Variants in CAP2 observed in about 807,000 individuals in gnomAD.
The protein encoded by CAP2 is cyclase associated actin cytoskeleton regulatory protein 2.
In CAP2, 24 loss-of-function variants were observed where a neutral mutation model predicts 57.7. That is an observed-to-expected ratio of 0.42 (90% CI 0.30 to 0.58). The LOEUF (loss-of-function observed/expected upper bound fraction) is 0.58. Among genes scored for constraint, CAP2 ranks in the 20% least tolerant of loss-of-function variants. CAP2 has a pLI of 0.22. For missense variants in CAP2, 501 were observed against 590.3 expected, an observed-to-expected ratio of 0.85 and a Z score of 1.57; for synonymous variants, 194 against 207.2, an observed-to-expected ratio of 0.94 and a Z score of 0.55.
At chr6:17,478,435 C>T (rs896761071) in intron 4 of CAP2, among the ~76,000 whole-genome samples, 13 of 151,958 alleles carry the variant, frequency 8.6e-5, no homozygotes, top group Admixed American at 2.6e-4. Flanking sequence ...CGTGAGTCAC[C>T]GCACTGGGCC....
At chr6:17,494,637 T>C (rs1431296997) in intron 4 of CAP2, among the ~76,000 whole-genome samples, 1 of 152,204 alleles carries the variant, frequency 6.6e-6, no homozygotes, top group Non-Finnish European at 1.5e-5. Context: ...ACATGCTATA[T>C]AATTTAGTTA....
intron 7 of CAP2, among the ~76,000 whole-genome samples, chr6:17,514,517 A>AG (rs1229385725): frequency 5.3e-5 from 8 of 152,154 alleles, no homozygotes; most frequent in Non-Finnish European, 1.2e-4. Context: ...TGGGAGGCCG[A>AG]GGTGGGCAGA....
chr6:17,441,863 A>G (rs1315153044), intron 3 of CAP2, among the ~76,000 whole-genome samples: 1 of 152,222 alleles, frequency 6.6e-6, no homozygotes, highest in Admixed American at 6.5e-5. Context: ...TGTTGAAAAC[A>G]AAAGTTCAAA....
Position 17,413,332 on chromosome 6 carries a change from T to C in CAP2, c.-1-8223T>C, listed in dbSNP as rs141572760. ...TGCAATAAAAAGAAAATGGTGCTTTTTGTTTGCTGTTTGGCGAGAAGCTGG... is the reference window on the plus strand; with the variant it reads ...TGCAATAAAAAGAAAATGGTGCTTTCTGTTTGCTGTTTGGCGAGAAGCTGG... On this transcript the variant is annotated intron_variant, in intron 1 of 12. Transcript: ENST00000229922. Among the ~76,000 whole-genome samples, 669 of 152,260 alleles carry C rather than the reference T, an allele frequency of 4.4e-3. 6 individuals carry two copies. The highest frequency in any genetic ancestry group is 0.015 in the African/African-American group (637 of 41,570).
At chr6:17,440,484 T>C (rs1413068292) in intron 3 of CAP2, among the ~76,000 whole-genome samples, 1 of 151,552 alleles carries the variant, frequency 6.6e-6, no homozygotes, top group East Asian at 1.9e-4. Flanking sequence ...TTTTTATACC[T>C]TTCATGTCTT....
intron 4 of CAP2, among the ~76,000 whole-genome samples, chr6:17,499,913 C>T (rs1761761467): frequency 6.6e-6 from 1 of 151,390 alleles, no homozygotes; most frequent in African/African-American, 2.4e-5. Flanking sequence ...ATATAAGGAA[C>T]ATAAAGTTTA....
At chr6:17,451,532 C>T (rs527417709) in intron 3 of CAP2, among the ~76,000 whole-genome samples, 1 of 150,598 alleles carries the variant, frequency 6.6e-6, no homozygotes, top group South Asian at 2.1e-4. Flanking sequence ...TTTTTTGAGA[C>T]AGAGTCTCGC....
At chr6:17,398,346 A>G (rs1000288334) in intron 1 of CAP2, among the ~76,000 whole-genome samples, 5 of 152,120 alleles carry the variant, frequency 3.3e-5, no homozygotes, top group South Asian at 2.1e-4. Flanking sequence ...GTCTGATAAC[A>G]ATGAGCCTTG....
At chr6:17,408,238 A>C (rs954003483) in intron 1 of CAP2, among the ~76,000 whole-genome samples, 1 of 152,174 alleles carries the variant, frequency 6.6e-6, no homozygotes, top group Admixed American at 6.5e-5. Context: ...ATTTGTGGCA[A>C]GAGTTGAAGG....
chr6:17,456,434 T>G (rs1309762327), intron 3 of CAP2, among the ~76,000 whole-genome samples: 2 of 152,212 alleles, frequency 1.3e-5, no homozygotes, highest in South Asian at 4.1e-4. Flanking sequence ...TACCTCTTTT[T>G]GGGGCTCATT....
At chr6:17,463,171 T>A in intron 4 of CAP2, 98 bp downstream of exon 4, 1 of 797,478 alleles carries the variant, frequency 1.3e-6, no homozygotes, top group Non-Finnish European at 2.1e-6. Flanking sequence ...GTCGACCTCC[T>A]AAAAATGAGA....
Position 17,507,706 on chromosome 6 carries a change from C to T in CAP2, c.510C>T (p.Val170=). 2 of 1,600,642 alleles carry T rather than the reference C, an allele frequency of 1.2e-6. No individual in the cohort carries two copies. Among genetic ancestry groups the T allele is most frequent in the Non-Finnish European group, 1.7e-6 (2 of 1,167,992 alleles). ...CTGCCACCTTTTACACTAACAGGGT[C>T]TTAAAGGACTACAAACACAGGTACG... ...NDAATFYTNR[V]LKDYKHSDLR... Residue 170 remains valine, a synonymous_variant, in exon 6 of 13, where the codon GTC becomes GTT. Transcript: ENST00000229922.
intron 7 of CAP2, chr6:17,536,289 G>A (rs756498224): frequency 2.4e-5 from 11 of 456,606 alleles, no homozygotes; most frequent in Admixed American, 7.0e-5. Flanking sequence ...GGCAGCTCAC[G>A]GAGATCCAGT....
chr6:17,484,954 G>A (rs1479215638), intron 4 of CAP2, among the ~76,000 whole-genome samples: 1 of 152,102 alleles, frequency 6.6e-6, no homozygotes, highest in East Asian at 1.9e-4. Flanking sequence ...TTCTTTATAG[G>A]TAGAATATGA....
chr6:17,490,247 A>G (rs569567077), intron 4 of CAP2, among the ~76,000 whole-genome samples: 7 of 152,252 alleles, frequency 4.6e-5, no homozygotes, highest in African/African-American at 1.7e-4. Flanking sequence ...GCATCTCCAG[A>G]TATCTCCAAA....
intron 7 of CAP2, among the ~76,000 whole-genome samples, chr6:17,516,298 T>C (rs1048331698): frequency 3.9e-5 from 6 of 152,232 alleles, no homozygotes; most frequent in Non-Finnish European, 8.8e-5. Flanking sequence ...GCCCCTAGTA[T>C]AGTGCCTGGC....
intron 3 of CAP2, among the ~76,000 whole-genome samples, chr6:17,434,032 A>G (rs563681175): frequency 3.3e-5 from 5 of 152,054 alleles, no homozygotes; most frequent in Non-Finnish European, 7.4e-5. Flanking sequence ...TACTCTACCA[A>G]TGAAAAAAAT....
At chr6:17,439,094 G>A (rs975862231) in intron 3 of CAP2, among the ~76,000 whole-genome samples, 1 of 150,966 alleles carries the variant, frequency 6.6e-6, no homozygotes, top group Admixed American at 6.6e-5. Flanking sequence ...CTGGGCTACA[G>A]AGCGAGACTC....
intron 4 of CAP2, among the ~76,000 whole-genome samples, chr6:17,475,770 C>T (rs1193846438): frequency 1.3e-5 from 2 of 152,292 alleles, no homozygotes; most frequent in South Asian, 2.1e-4. Context: ...TTGTGGAAAA[C>T]GGTACTTTCT....
Sources: allele counts gnomAD v4.1 joint callset (sites outside exome capture counted in the v4.1 genomes callset), GRCh38; gene constraint gnomAD v4.1.1; transcripts MANE v1.5; gene names NCBI Gene and HGNC (gene_info 2026-07-23, HGNC 2026-07-21).